PCSK5: variants seen among roughly 807,000 people sequenced by gnomAD.
The protein encoded by PCSK5 is proprotein convertase subtilisin/kexin type 5, also known as prohormone convertase 5.
A neutral mutation model predicts 233.2 loss-of-function variants in PCSK5; 129 were observed. That is an observed-to-expected ratio of 0.55 (90% confidence interval 0.48 to 0.64). The LOEUF (loss-of-function observed/expected upper bound fraction) is 0.64, where lower values mean the gene tolerates loss of function less well. Among genes scored for constraint, PCSK5 ranks in the 30% least tolerant of loss-of-function variants. The pLI is 0.00. For missense variants in PCSK5, 2,076 were observed against 2,430.1 expected (o/e 0.85, Z 3.06); for synonymous variants, 825 against 879.2 (o/e 0.94, Z 1.09).
chr9:76,125,006 CTT>C (rs538729003), intron 9 of PCSK5, among the ~76,000 whole-genome samples: 258 of 152,076 alleles, frequency 1.7e-3, no homozygotes, highest in Admixed American at 5.1e-3. Flanking sequence ...AGTCTGGACT[CTT>C]CTCTTTTTTC....
At position 76,111,557 on chromosome 9, in the gene PCSK5, A is replaced by G. The variant is rs569186739; in HGVS notation, c.1208+4206A>G. ...ACCCTCAGAACATTTTTATTGGTTC[A>G]GAATGTTTAATAGTATGATTTTTTT... On this transcript the variant is annotated intron_variant, in intron 9 of 37. Coordinates refer to ENST00000674117, the MANE Select transcript of PCSK5 (RefSeq NM_001372043.1). 7.2e-5 allele frequency among the ~76,000 whole-genome samples: 11 copies of G among 152,320 alleles called. No individual in the cohort carries two copies. In the South Asian group the frequency reaches 2.3e-3, roughly 32 times the overall value.
Position 76,158,984 on chromosome 9 carries a change from A to T in PCSK5, c.1432A>T (p.Thr478Ser). The T allele has an allele frequency of 6.2e-7, 1 of 1,613,234 alleles. No individual in the cohort carries two copies. ...CVESTDRQIKTIRPNSAVRSI... is the reference protein window; with the variant it reads ...CVESTDRQIKSIRPNSAVRSI... ...ACTCTCCATCTCTCTCTGTTACAGGACAATCCGCCCTAACAGTGCAGTGCG... is the reference window on the plus strand; with the variant it reads ...ACTCTCCATCTCTCTCTGTTACAGGTCAATCCGCCCTAACAGTGCAGTGCG... The change falls in exon 12 of 38, where the codon ACA (threonine) becomes TCA (serine). Residue 478 changes from threonine (T) to serine (S), a missense_variant and splice_region_variant. By Grantham distance (58) the Thr-to-Ser change is moderately conservative. Transcript: ENST00000674117.
At chr9:76,020,800 C>T (rs2131477986) in intron 3 of PCSK5, among the ~76,000 whole-genome samples, 1 of 152,306 alleles carries the variant, frequency 6.6e-6, no homozygotes, top group South Asian at 2.1e-4. Context: ...GGCCGGTTAT[C>T]CCATTTGTGG....
At chr9:75,916,845 A>G (rs1337430106) in intron 1 of PCSK5, among the ~76,000 whole-genome samples, 1 of 152,212 alleles carries the variant, frequency 6.6e-6, no homozygotes, top group Non-Finnish European at 1.5e-5. Flanking sequence ...ATTACCTTGC[A>G]TAAAACAAAG....
At chr9:75,910,887 A>T (rs1000425858) in intron 1 of PCSK5, among the ~76,000 whole-genome samples, 12 of 152,170 alleles carry the variant, frequency 7.9e-5, no homozygotes, top group Non-Finnish European at 1.6e-4. Context: ...TCACTCACTG[A>T]TTTATGTGAT....
chr9:75,912,897 A>C (rs534645504), intron 1 of PCSK5, among the ~76,000 whole-genome samples: 7 of 151,642 alleles, frequency 4.6e-5, no homozygotes, highest in Non-Finnish European at 1.0e-4. Context: ...TCCCCATCCC[A>C]CTCTCATACC....
rs75200250 is a variant in PCSK5, at chr9:76,162,099, A to G, written c.1619+2928A>G. ...CCCAAGAGATGTAAAGGATATTGTGAATTCATTTGTCTACAAGCTCTGCAG... is the reference window on the plus strand; with the variant it reads ...CCCAAGAGATGTAAAGGATATTGTGGATTCATTTGTCTACAAGCTCTGCAG... On this transcript the variant is annotated intron_variant, in intron 12 of 37. Coordinates refer to ENST00000674117, the MANE Select transcript of PCSK5 (RefSeq NM_001372043.1). Among the ~76,000 whole-genome samples, 1,011 of 152,234 alleles carry G rather than the reference A, an allele frequency of 6.6e-3. 20 individuals are homozygous for G. Among genetic ancestry groups the G allele is most frequent in the African/African-American group, 0.023 (972 of 41,536 alleles).
intron 2 of PCSK5, among the ~76,000 whole-genome samples, chr9:75,970,565 G>T (rs1242858059): frequency 6.6e-6 from 1 of 151,898 alleles, no homozygotes; most frequent in Non-Finnish European, 1.5e-5. Context: ...GAACATAAAG[G>T]CTCTAGAGTT....
intron 9 of PCSK5, among the ~76,000 whole-genome samples, chr9:76,126,699 C>A (rs1832867605): frequency 6.6e-6 from 1 of 152,068 alleles, no homozygotes; most frequent in Non-Finnish European, 1.5e-5. Flanking sequence ...AGACAAAATA[C>A]TGCATGTTCT....
intron 25 of PCSK5, among the ~76,000 whole-genome samples, chr9:76,294,666 G>T (rs1828381432): frequency 6.6e-6 from 1 of 151,992 alleles, no homozygotes; most frequent in African/African-American, 2.4e-5. Context: ...GATTTGTGGA[G>T]ATTTAGATGA....
At chr9:76,238,409 G>T (rs1587792236) in intron 22 of PCSK5, among the ~76,000 whole-genome samples, 1 of 152,190 alleles carries the variant, frequency 6.6e-6, no homozygotes, top group Admixed American at 6.5e-5. Flanking sequence ...AAGTGTGCTT[G>T]GTCTAGTGCT....
At chr9:76,147,890 G>T (rs1390356919) in intron 10 of PCSK5, among the ~76,000 whole-genome samples, 1 of 152,094 alleles carries the variant, frequency 6.6e-6, no homozygotes, top group Non-Finnish European at 1.5e-5. Context: ...ATTGGACCAT[G>T]ACCCTATGTT....
intron 21 of PCSK5, among the ~76,000 whole-genome samples, chr9:76,231,859 T>A (rs1422423019): frequency 6.6e-6 from 1 of 152,172 alleles, no homozygotes; most frequent in Non-Finnish European, 1.5e-5. Flanking sequence ...TACTCTGCAG[T>A]GGACCAAAAG....
chr9:75,891,100 C>T lies in PCSK5; in HGVS notation c.-82C>T. The T allele has an allele frequency of 1.8e-6, 2 of 1,119,660 alleles. No individual in the cohort carries two copies. The highest frequency in any genetic ancestry group is 2.1e-5 in the South Asian group (1 of 47,490). 69.4% of individuals were successfully genotyped at this position (1,119,660 alleles called of 1,614,324 possible). A position where few individuals can be genotyped will look rare whatever the true frequency, so the allele number is the denominator to read the frequency against. On this transcript the variant is annotated 5_prime_UTR_variant, in exon 1 of 38. Coordinates refer to ENST00000674117, the MANE Select transcript of PCSK5 (RefSeq NM_001372043.1). ...CGGCCCGGGGCTGCTCGCCGGGCGG[C>T]GCAGGCCGGAGAAGTTAGTTGTGCG...
chr9:76,276,999 G>A (rs1416115914), intron 24 of PCSK5, among the ~76,000 whole-genome samples: 5 of 152,072 alleles, frequency 3.3e-5, no homozygotes, highest in Non-Finnish European at 7.4e-5. Context: ...AGGCCAAGGC[G>A]GGTGGATCAC....
chr9:76,237,259 C>T (rs758506158), intron 22 of PCSK5, among the ~76,000 whole-genome samples: 1 of 152,134 alleles, frequency 6.6e-6, no homozygotes, highest in Non-Finnish European at 1.5e-5. Context: ...TATAGAATCA[C>T]CAAATGCACA....
chr9:76,061,722 AAG>A (rs1353823964), intron 5 of PCSK5, among the ~76,000 whole-genome samples: 4 of 152,184 alleles, frequency 2.6e-5, no homozygotes, highest in Admixed American at 6.5e-5. Flanking sequence ...AATTATCTAA[AAG>A]AGAATAATTC....
In PCSK5 at chr9:76,282,714, A is replaced by T. The variant is rs565110835; in HGVS notation, c.3143-9519A>T. On this transcript the variant is annotated intron_variant, in intron 24 of 37. Transcript: ENST00000674117. ...GTGTGATGCCGAGGTTTGGGGTATG[A>T]ATGATCCCATCACCCAGGTAGTGAG... 4.6e-5 allele frequency among the ~76,000 whole-genome samples: 7 copies of T among 152,258 alleles called. No individual in the cohort carries two copies. In the South Asian group the frequency reaches 1.0e-3, roughly 23 times the overall value.
At chr9:75,891,461 C>T in intron 1 of PCSK5, 88 bp downstream of exon 1, 1 of 1,096,574 alleles carries the variant, frequency 9.1e-7, no homozygotes, top group Non-Finnish European at 1.3e-6. Context: ...TCCCCCTCTT[C>T]CAGATGTGCT....
Sources: allele counts gnomAD v4.1 joint callset (sites outside exome capture counted in the v4.1 genomes callset), GRCh38; gene constraint gnomAD v4.1.1; transcripts MANE v1.5; gene names NCBI Gene and HGNC (gene_info 2026-07-23, HGNC 2026-07-21).